The following STK32A variants were observed in gnomAD, a reference collection of about 807,000 sequenced individuals.
STK32A encodes the protein serine/threonine kinase 32A, also known as serine/threonine-protein kinase 32A.
Under a neutral mutation model 53.2 loss-of-function variants are expected in STK32A, and 41 were observed. The observed-to-expected ratio is 0.77, with a 90% CI of 0.60 to 1.00. The LOEUF is 1.00. Ranked by LOEUF, STK32A falls within the 50% of genes least tolerant of loss-of-function variation. The probability of loss-of-function intolerance (pLI) is 0.00; values close to 1 mark genes in which losing one functional copy is unlikely to be tolerated. For synonymous variants in STK32A, 166 were observed against 162.8 expected, an observed-to-expected ratio of 1.02 and a Z score of -0.15; for missense variants, 458 against 485.8, an observed-to-expected ratio of 0.94 and a Z score of 0.54.
chr5:147,238,726 A>C (rs1753430752), intron 1 of STK32A, among the ~76,000 whole-genome samples: 1 of 152,054 alleles, frequency 6.6e-6, no homozygotes, highest in Non-Finnish European at 1.5e-5. Context: ...TATGTGTATT[A>C]TTTAACTTAA....
At chr5:147,393,986 T>G in the STK32A span, 24 of 1,595,434 alleles carry the variant, frequency 1.5e-5, no homozygotes, top group Non-Finnish European at 2.0e-5. Flanking sequence ...CATTTTGGCT[T>G]CAAAACAATC....
intron 4 of STK32A, among the ~76,000 whole-genome samples, chr5:147,303,186 T>G (rs1239659632): frequency 6.6e-6 from 1 of 152,198 alleles, no homozygotes; most frequent in East Asian, 1.9e-4. Flanking sequence ...AAGAATTAGA[T>G]GCATTATGAC....
intron 5 of STK32A, among the ~76,000 whole-genome samples, chr5:147,327,593 G>A (rs1754663127): frequency 6.6e-6 from 1 of 152,334 alleles, no homozygotes; most frequent in East Asian, 1.9e-4. Flanking sequence ...AGCAGCAGTA[G>A]GCTGCTGTTT....
intron 10 of STK32A, among the ~76,000 whole-genome samples, chr5:147,374,534 A>G (rs1757148546): frequency 6.6e-6 from 1 of 152,128 alleles, no homozygotes; most frequent in Non-Finnish European, 1.5e-5. Context: ...CATAATTGAC[A>G]CATGACACAA....
chr5:147,372,269 CTTTTTTTTTTTTTTTTTTT>C (rs71274369), intron 9 of STK32A, among the ~76,000 whole-genome samples: 7 of 49,332 alleles, frequency 1.4e-4, no homozygotes, highest in Non-Finnish European at 2.4e-4. Flanking sequence ...TGGGCTTGGC[CTTTTTTTTTTTTTTTTTTT>C]TTTTTTTTTT....
intron 3 of STK32A, 59 bp downstream of exon 3, chr5:147,278,238 G>A: frequency 1.4e-6 from 2 of 1,401,014 alleles, no homozygotes; most frequent in Non-Finnish European, 2.0e-6. Flanking sequence ...GGGAACAGAG[G>A]GTCCAGAAAT....
chr5:147,254,608 T>C (rs938398008), intron 2 of STK32A, among the ~76,000 whole-genome samples: 5 of 152,168 alleles, frequency 3.3e-5, no homozygotes, highest in South Asian at 4.1e-4. Flanking sequence ...AAGGGGTTCT[T>C]ATCCCCCACG....
chr5:147,323,257 T>C (rs777678959), intron 4 of STK32A, among the ~76,000 whole-genome samples: 2 of 152,214 alleles, frequency 1.3e-5, no homozygotes, highest in African/African-American at 2.4e-5. Flanking sequence ...GTTAGCGTTA[T>C]TTTTCAGTTA....
intron 6 of STK32A, chr5:147,348,551 AAACCT>A: frequency 1.5e-6 from 1 of 661,412 alleles, no homozygotes. Flanking sequence ...ATTGGCTCTA[AAACCT>A]TCTCTACCTT....
intron 2 of STK32A, among the ~76,000 whole-genome samples, chr5:147,267,351 C>T (rs1409532837): frequency 6.6e-6 from 1 of 152,082 alleles, no homozygotes; most frequent in Non-Finnish European, 1.5e-5. Flanking sequence ...ATAATGTATT[C>T]AGAAACTTTT....
At position 147,281,163 on chromosome 5, in the gene STK32A, G is replaced by T. The variant is rs114556556; in HGVS notation, c.260+1765G>T. ...TTTCCCTCTGAAAGAGCCTACCCAAGTGAGAAGGAACCAGTAATATGACAA... is the reference window on the plus strand; with the variant it reads ...TTTCCCTCTGAAAGAGCCTACCCAATTGAGAAGGAACCAGTAATATGACAA... On this transcript the variant is annotated intron_variant, in intron 4 of 12. Coordinates refer to ENST00000397936, the MANE Select transcript of STK32A (RefSeq NM_001112724.2). 3.7e-3 allele frequency among the ~76,000 whole-genome samples: 568 copies of T among 152,288 alleles called. 1 individual carries two copies. The highest frequency in any genetic ancestry group is 8.5e-3 in the African/African-American group (352 of 41,554).
chr5:147,299,726 C>T (rs1356635000), intron 4 of STK32A, among the ~76,000 whole-genome samples: 5 of 152,296 alleles, frequency 3.3e-5, no homozygotes, highest in Non-Finnish European at 7.4e-5. Context: ...CAATTAACAG[C>T]AGCGACAAGT....
At chr5:147,261,957 T>A (rs1028116249) in intron 2 of STK32A, among the ~76,000 whole-genome samples, 3 of 152,180 alleles carry the variant, frequency 2.0e-5, no homozygotes, top group Non-Finnish European at 4.4e-5. Context: ...TAGGGGACCC[T>A]CAATTTTAAA....
rs75053824 is a variant in STK32A, at chr5:147,340,731, T to A, written c.435-2275T>A. 9.9e-3 allele frequency among the ~76,000 whole-genome samples: 1,502 copies of A among 152,330 alleles called. 28 individuals are homozygous for A. The highest frequency in any genetic ancestry group is 0.035 in the African/African-American group (1,458 of 41,570). ...ATACATTTTTCTTAAATTTTTCTCATATTCTTTCTCTGAATTTGTGGTAAA... is the reference window on the plus strand; with the variant it reads ...ATACATTTTTCTTAAATTTTTCTCAAATTCTTTCTCTGAATTTGTGGTAAA... On this transcript the variant is annotated intron_variant, in intron 5 of 12. Transcript: ENST00000397936.
At chr5:147,297,831 T>G (rs931158997) in intron 4 of STK32A, among the ~76,000 whole-genome samples, 4 of 151,990 alleles carry the variant, frequency 2.6e-5, no homozygotes, top group Non-Finnish European at 5.9e-5. Flanking sequence ...ATACAAAAAA[T>G]TAGCTGAATG....
chr5:147,326,599 G>A (rs1244311156), intron 5 of STK32A, among the ~76,000 whole-genome samples: 3 of 152,084 alleles, frequency 2.0e-5, no homozygotes, highest in African/African-American at 4.8e-5. Context: ...TGTATAACCA[G>A]TATGTGAAAA....
At chr5:147,323,319 G>C (rs7710326) in intron 4 of STK32A, among the ~76,000 whole-genome samples, 29,103 of 152,100 alleles carry the variant, frequency 0.19, 2,922 homozygotes, top group African/African-American at 0.24. Context: ...CCTCTCCTGA[G>C]AAGCTTTCCT....
chr5:147,389,727 G>C (rs1041390767), downstream of STK32A, among the ~76,000 whole-genome samples: 2 of 152,034 alleles, frequency 1.3e-5, no homozygotes, highest in East Asian at 3.9e-4. Flanking sequence ...AAAATTAGCC[G>C]GGTTGTGGTG....
chr5:147,255,263 C>T (rs1026221624), intron 2 of STK32A, among the ~76,000 whole-genome samples: 2 of 152,066 alleles, frequency 1.3e-5, no homozygotes, highest in South Asian at 2.1e-4. Context: ...TCTTTTCAAA[C>T]TTTTTTTTAA....
Sources: allele counts gnomAD v4.1 joint callset (sites outside exome capture counted in the v4.1 genomes callset), GRCh38; gene constraint gnomAD v4.1.1; transcripts MANE v1.5; gene names NCBI Gene and HGNC (gene_info 2026-07-23, HGNC 2026-07-21).